PVT1: variants seen among roughly 807,000 people sequenced by gnomAD.
PVT1 encodes CXCR4/PVT1 fusion.
At chr8:127,843,451 T>A (rs1465598697) in intron 2 of PVT1, among the ~76,000 whole-genome samples, 1 of 152,208 alleles carries the variant, frequency 6.6e-6, no homozygotes, top group African/African-American at 2.4e-5. Context: ...TGGCTGTTTT[T>A]ATTTTTTTAG....
intron 2 of PVT1, among the ~76,000 whole-genome samples, chr8:127,887,337 A>C (rs911056904): frequency 2.0e-5 from 3 of 152,160 alleles, no homozygotes; most frequent in Non-Finnish European, 2.9e-5. Context: ...CCAGGTCTTG[A>C]TCACACTCCA....
At chr8:128,046,565 A>C (rs1813615336) in intron 4 of PVT1, among the ~76,000 whole-genome samples, 1 of 152,168 alleles carries the variant, frequency 6.6e-6, no homozygotes, top group Non-Finnish European at 1.5e-5. Context: ...CATAGTTCTA[A>C]TCTGTCATTC....
chr8:128,081,404 C>A (rs886285910), intron 5 of PVT1, among the ~76,000 whole-genome samples: 4 of 152,154 alleles, frequency 2.6e-5, no homozygotes, highest in Non-Finnish European at 5.9e-5. Context: ...TGGGTAGACA[C>A]CAAGGAGCGC....
chr8:127,859,671 AG>A, intron 2 of PVT1, among the ~76,000 whole-genome samples: 1 of 152,086 alleles, frequency 6.6e-6, no homozygotes, highest in East Asian at 1.9e-4. Flanking sequence ...GAGCAGGCTC[AG>A]GGCCATGCTG....
chr8:127,884,485 C>T (rs1408113064), intron 2 of PVT1, among the ~76,000 whole-genome samples: 1 of 152,182 alleles, frequency 6.6e-6, no homozygotes, highest in South Asian at 2.1e-4. Context: ...ATTGATACCA[C>T]GGAGTGGAGC....
At chr8:127,917,203 C>T (rs1033176021) in intron 3 of PVT1, among the ~76,000 whole-genome samples, 1 of 152,164 alleles carries the variant, frequency 6.6e-6, no homozygotes, top group Non-Finnish European at 1.5e-5. Context: ...AATCCATCCA[C>T]GCAACCACCC....
intron 2 of PVT1, among the ~76,000 whole-genome samples, chr8:127,820,920 G>T (rs1814720921): frequency 6.6e-6 from 1 of 152,060 alleles, no homozygotes. Context: ...TGTTGGCCAG[G>T]CTGGTCTTAA....
chr8:128,047,340 A>G (rs927323275), intron 4 of PVT1, among the ~76,000 whole-genome samples: 11 of 152,208 alleles, frequency 7.2e-5, no homozygotes, highest in African/African-American at 2.4e-4. Context: ...CTAAGTCACC[A>G]TGGGCCAGAG....
At chr8:127,931,876 G>A (rs75145756) in intron 3 of PVT1, among the ~76,000 whole-genome samples, 2,042 of 152,384 alleles carry the variant, frequency 0.013, 35 homozygotes, top group South Asian at 0.038. Context: ...AGTGAGAGGG[G>A]TGCCTATTAT....
chr8:127,850,289 A>G (rs1344001295), intron 2 of PVT1, among the ~76,000 whole-genome samples: 1 of 152,198 alleles, frequency 6.6e-6, no homozygotes, highest in Non-Finnish European at 1.5e-5. Context: ...ATCAGGGAGT[A>G]GTACTTTGGC....
At chr8:127,929,420 A>C (rs1311412735) in intron 3 of PVT1, among the ~76,000 whole-genome samples, 2 of 152,108 alleles carry the variant, frequency 1.3e-5, no homozygotes, top group Non-Finnish European at 2.9e-5. Flanking sequence ...CTTCCAGGAA[A>C]TCTTCCTCCC....
intron 4 of PVT1, among the ~76,000 whole-genome samples, chr8:128,050,399 CAG>C (rs1813675754): frequency 6.6e-6 from 1 of 152,340 alleles, no homozygotes; most frequent in East Asian, 1.9e-4. Context: ...TCAGACCTCT[CAG>C]GGGGCATTAA....
At chr8:128,076,968 G>A (rs1653963077) in intron 5 of PVT1, among the ~76,000 whole-genome samples, 1 of 152,196 alleles carries the variant, frequency 6.6e-6, no homozygotes, top group Non-Finnish European at 1.5e-5. Context: ...GAGGCTTTGT[G>A]GTGGATCCAC....
rs561899546 is a variant in PVT1, at chr8:127,855,251, C to A, written n.373-35338C>A. Reference sequence around the variant, plus strand: ...TCACTGTGGATTGAGCCGGTGAAGCCCTGAGGGATTTCATCGCTGAGGTGG... The same window carrying A: ...TCACTGTGGATTGAGCCGGTGAAGCACTGAGGGATTTCATCGCTGAGGTGG... On this transcript the variant is annotated intron_variant and non_coding_transcript_variant, in intron 2 of 10. Coordinates refer to ENST00000651587, the Ensembl canonical transcript of PVT1. 3 of 398,752 alleles carry A rather than the reference C, an allele frequency of 7.5e-6. No individual in the cohort carries two copies. The South Asian group carries it at 3.8e-4, about 51-fold the overall frequency. 24.7% of individuals were successfully genotyped at this position (398,752 alleles called of 1,614,324 possible). A position where few individuals can be genotyped will look rare whatever the true frequency, so the allele number is the denominator to read the frequency against.
intron 2 of PVT1, among the ~76,000 whole-genome samples, chr8:127,796,420 T>G (rs924783332): frequency 4.6e-5 from 7 of 152,208 alleles, no homozygotes. Context: ...ATTGCTGGTC[T>G]GAAAACCTGG....
At chr8:127,900,625 T>C (rs758921049) in intron 3 of PVT1, among the ~76,000 whole-genome samples, 24 of 152,242 alleles carry the variant, frequency 1.6e-4, no homozygotes, top group Non-Finnish European at 3.1e-4. Context: ...ACTATGCTTG[T>C]TCATTCATTC....
chr8:127,952,770 AT>A (rs200553184), intron 3 of PVT1, among the ~76,000 whole-genome samples: 95 of 148,612 alleles, frequency 6.4e-4, no homozygotes, highest in African/African-American at 2.0e-3. Flanking sequence ...TTGTGCCTGC[AT>A]TTTTTTTTTT....
At position 127,940,593 on chromosome 8, in the gene PVT1, T is replaced by A. The variant is rs568491859; in HGVS notation, n.783-48569T>A. The A allele has an allele frequency of 3.6e-5, 5 of 138,528 alleles. No individual in the cohort carries two copies. In the East Asian group the frequency reaches 1.1e-3, roughly 32 times the overall value. 8.6% of individuals were successfully genotyped at this position (138,528 alleles called of 1,614,324 possible). ...AATATATTAATGCATAGTTTTTTTGTGGGGGGGGGCGGTGGAGGGGCAGTG... is the reference window on the plus strand; with the variant it reads ...AATATATTAATGCATAGTTTTTTTGAGGGGGGGGGCGGTGGAGGGGCAGTG... On this transcript the variant is annotated intron_variant and non_coding_transcript_variant, in intron 3 of 10. Transcript: ENST00000651587.
At chr8:128,052,516 A>AT (rs1813710659) in intron 4 of PVT1, among the ~76,000 whole-genome samples, 1 of 152,062 alleles carries the variant, frequency 6.6e-6, no homozygotes, top group Non-Finnish European at 1.5e-5. Flanking sequence ...GTGAAGGTAT[A>AT]TTTTTCATGG....
Sources: gnomAD v4.1 joint callset for allele counts (sites outside exome capture counted in the v4.1 genomes callset) on GRCh38, gnomAD v4.1.1 for gene constraint, MANE v1.5 for transcripts, NCBI Gene and HGNC (gene_info 2026-07-23, HGNC 2026-07-21) for gene names.